The following SORCS3 variants were observed in gnomAD, a reference collection of about 807,000 sequenced individuals.
SORCS3 encodes the protein VPS10 domain-containing receptor SorCS3.
SORCS3 carries 57 observed loss-of-function variants against 146.3 expected under a neutral mutation model. The ratio of observed to expected loss-of-function variants is 0.39; its 90% confidence interval spans 0.31 to 0.49. SORCS3 has a LOEUF of 0.49. Among genes scored for constraint, SORCS3 ranks in the 20% least tolerant of loss-of-function variants. The pLI, the probability that SORCS3 is intolerant of heterozygous loss-of-function variation, is 0.92. For synonymous variants in SORCS3, 653 were observed against 618.5 expected, an observed-to-expected ratio of 1.06 and a Z score of -0.83; for missense variants, 1,341 against 1,575.5, an observed-to-expected ratio of 0.85 and a Z score of 2.52.
At chr10:105,132,923 G>A (rs1232848120) in intron 7 of SORCS3, among the ~76,000 whole-genome samples, 1 of 152,212 alleles carries the variant, frequency 6.6e-6, no homozygotes, top group Non-Finnish European at 1.5e-5. Context: ...TACAATGCCA[G>A]CAAGTTTGCT....
chr10:104,805,089 G>T (rs1394688331), intron 1 of SORCS3, among the ~76,000 whole-genome samples: 1 of 152,174 alleles, frequency 6.6e-6, no homozygotes, highest in Non-Finnish European at 1.5e-5. Flanking sequence ...ACACCCATCT[G>T]TCACTCAGTG....
chr10:104,748,419 A>T (rs1252493535), intron 1 of SORCS3, among the ~76,000 whole-genome samples: 1 of 152,226 alleles, frequency 6.6e-6, no homozygotes, highest in Non-Finnish European at 1.5e-5. Context: ...TTCTTTTAAA[A>T]TTAAAAGCAA....
intron 1 of SORCS3, among the ~76,000 whole-genome samples, chr10:104,701,713 G>A (rs922226020): frequency 3.3e-5 from 5 of 152,172 alleles, no homozygotes; most frequent in African/African-American, 9.7e-5. Context: ...GGTAATGAAG[G>A]GTGTAGCTGT....
chr10:104,702,843 C>T (rs1021835180), intron 1 of SORCS3, among the ~76,000 whole-genome samples: 1 of 152,186 alleles, frequency 6.6e-6, no homozygotes, highest in Non-Finnish European at 1.5e-5. Flanking sequence ...CTGGTTTCAA[C>T]TATACGAATA....
chr10:104,824,093 C>T (rs756613264), intron 1 of SORCS3, among the ~76,000 whole-genome samples: 34 of 152,196 alleles, frequency 2.2e-4, no homozygotes, highest in Non-Finnish European at 4.6e-4. Flanking sequence ...CACAACCCTA[C>T]CAATACCTTG....
At chr10:104,873,311 C>T (rs1174622128) in intron 2 of SORCS3, among the ~76,000 whole-genome samples, 1 of 152,162 alleles carries the variant, frequency 6.6e-6, no homozygotes, top group Non-Finnish European at 1.5e-5. Flanking sequence ...CCAGATCATC[C>T]TTGCTGGAAA....
At position 104,825,081 on chromosome 10, in the gene SORCS3, G is replaced by T. The variant is rs1160005727; in HGVS notation, c.628-17711G>T. On this transcript the variant is annotated intron_variant, in intron 1 of 26. Transcript: ENST00000369701. ...TTATCTCTGTGTCAGTGAGAGGCCTGATGAGGTTGCTCTTTATTTTGTGAG... is the reference window on the plus strand; with the variant it reads ...TTATCTCTGTGTCAGTGAGAGGCCTTATGAGGTTGCTCTTTATTTTGTGAG... Among the ~76,000 whole-genome samples the T allele has an allele frequency of 2.0e-5, 3 of 152,208 alleles. No individual in the cohort carries two copies. In the East Asian group the frequency reaches 5.8e-4, roughly 29 times the overall value.
At chr10:104,694,321 G>T (rs1040976910) in intron 1 of SORCS3, among the ~76,000 whole-genome samples, 17 of 151,666 alleles carry the variant, frequency 1.1e-4, no homozygotes, top group Non-Finnish European at 2.1e-4. Flanking sequence ...TAGGGAAGGA[G>T]CTTTGGAAGC....
At chr10:105,171,128 C>A (rs1387999724) in intron 13 of SORCS3, among the ~76,000 whole-genome samples, 1 of 152,068 alleles carries the variant, frequency 6.6e-6, no homozygotes, top group Non-Finnish European at 1.5e-5. Context: ...AGCTACATCA[C>A]CTTTAAGAGA....
intron 12 of SORCS3, among the ~76,000 whole-genome samples, chr10:105,165,610 G>T (rs1418319539): frequency 6.6e-6 from 1 of 152,156 alleles, no homozygotes; most frequent in East Asian, 1.9e-4. Context: ...GCCATAATCA[G>T]GTGGCTGGGG....
At chr10:105,228,416 C>CTT (rs1452828273) in intron 20 of SORCS3, among the ~76,000 whole-genome samples, 1 of 150,116 alleles carries the variant, frequency 6.7e-6, no homozygotes, top group African/African-American at 2.4e-5. Context: ...CTTTCTTTCT[C>CTT]TGTTTCTTGC....
chr10:104,859,311 A>G (rs1028213350), intron 2 of SORCS3, among the ~76,000 whole-genome samples: 50 of 152,278 alleles, frequency 3.3e-4, no homozygotes, highest in African/African-American at 1.2e-3. Context: ...AAAACAAGCA[A>G]TGGGGAAAGG....
chr10:104,746,770 T>G (rs1166418002), intron 1 of SORCS3, among the ~76,000 whole-genome samples: 1 of 152,234 alleles, frequency 6.6e-6, no homozygotes, highest in Non-Finnish European at 1.5e-5. Flanking sequence ...TATTTGTCTT[T>G]CTGTGCCTGG....
At chr10:104,664,988 A>G (rs1165612017) in intron 1 of SORCS3, 2 of 152,826 alleles carry the variant, frequency 1.3e-5, no homozygotes, top group Non-Finnish European at 2.9e-5. Flanking sequence ...TGGGCCCAGT[A>G]AGGAGGCATG....
intron 1 of SORCS3, among the ~76,000 whole-genome samples, chr10:104,723,741 G>A (rs144289892): frequency 0.011 from 1,715 of 151,960 alleles, 27 homozygotes; most frequent in African/African-American, 0.039. Context: ...AATGACCTTT[G>A]TCTCTTTTGA....
intron 6 of SORCS3, 52 bp from the exon 7 acceptor site, chr10:105,105,345 T>C: frequency 8.5e-7 from 1 of 1,172,624 alleles, no homozygotes; most frequent in South Asian, 1.2e-5. Context: ...TACCTGGGGC[T>C]CCCTCATGAT....
rs528955480 is a variant in SORCS3, at chr10:104,871,961, G to A, written c.695+29102G>A. On this transcript the variant is annotated intron_variant, in intron 2 of 26. Coordinates refer to ENST00000369701, the MANE Select transcript of SORCS3 (RefSeq NM_014978.3). The stretch of plus-strand genomic sequence containing the variant: ...TGATTGGAACACATCTGTACTGTAG[G>A]CAAGGAGGTGACTTCTGCTCTCTCA... 2.0e-5 allele frequency among the ~76,000 whole-genome samples: 3 copies of A among 152,172 alleles called. No individual in the cohort carries two copies. The South Asian group carries it at 6.2e-4, about 32-fold the overall frequency.
chr10:105,138,260 C>T (rs2056071975), intron 7 of SORCS3, among the ~76,000 whole-genome samples: 1 of 152,118 alleles, frequency 6.6e-6, no homozygotes, highest in Non-Finnish European at 1.5e-5. Context: ...GCGTGTGGTG[C>T]CTGCTTTGTG....
intron 20 of SORCS3, among the ~76,000 whole-genome samples, chr10:105,240,955 T>A (rs202234171): frequency 0.068 from 10,034 of 147,696 alleles, 401 homozygotes; most frequent in Middle Eastern, 0.17. Flanking sequence ...AAAATATATA[T>A]ATATATATCT....
Sources: gnomAD v4.1 joint callset for allele counts (sites outside exome capture counted in the v4.1 genomes callset) on GRCh38, gnomAD v4.1.1 for gene constraint, MANE v1.5 for transcripts, NCBI Gene and HGNC (gene_info 2026-07-23, HGNC 2026-07-21) for gene names.